The following PCNT variants were observed in gnomAD, a reference collection of about 807,000 sequenced individuals.
The protein encoded by PCNT is kendrin.
PCNT carries 319 observed loss-of-function variants against 380.4 expected under a neutral mutation model. The observed-to-expected ratio is 0.84, with a 90% CI of 0.77 to 0.92. The LOEUF is 0.92. Ranked by LOEUF, PCNT falls within the 40% of genes least tolerant of loss-of-function variation. The probability of loss-of-function intolerance (pLI) is 0.00; values close to 1 mark genes in which losing one functional copy is unlikely to be tolerated. For missense variants in PCNT, 4,400 were observed against 4,255.3 expected (o/e 1.03, Z -0.95); for synonymous variants, 1,845 against 1,735.2 (o/e 1.06, Z -1.57).
chr21:46,339,320 CACT>C (rs774716610), intron 3 of PCNT, among the ~76,000 whole-genome samples: 8 of 152,168 alleles, frequency 5.3e-5, no homozygotes, highest in Non-Finnish European at 1.0e-4. Context: ...AGCTTGTGTT[CACT>C]GCCGTGGCCA....
chr21:46,436,115 T>C lies in PCNT; in HGVS notation c.8963T>C (p.Leu2988Pro). Residue 2988 changes from leucine (L) to proline (P), a missense_variant, in exon 39 of 47, where the codon CTT (leucine) becomes CCT (proline). Physicochemically the swap from Leu to Pro is moderately conservative, Grantham distance 98 (BLOSUM62 -3). Transcript: ENST00000359568. The stretch of plus-strand genomic sequence containing the variant: ...CAGCGGCTGCTCTCTGCCGCCCGGC[T>C]TCTCACCAGCTTCACCAGCCAGGCC... ...MRQRLLSAAR[L>P]LTSFTSQAVD... 1 of 1,610,138 alleles carries C rather than the reference T, an allele frequency of 6.2e-7. No individual in the cohort carries two copies. Among genetic ancestry groups the C allele is most frequent in the Non-Finnish European group, 8.5e-7 (1 of 1,179,836 alleles).
chr21:46,405,130 G>T (rs984418982), intron 27 of PCNT, among the ~76,000 whole-genome samples: 1 of 152,166 alleles, frequency 6.6e-6, no homozygotes, highest in Non-Finnish European at 1.5e-5. Context: ...CTACTCTGAA[G>T]GATGAGATAG....
At chr21:46,415,428 A>G (rs2086988081) in intron 29 of PCNT, among the ~76,000 whole-genome samples, 1 of 115,748 alleles carries the variant, frequency 8.6e-6, no homozygotes, top group Non-Finnish European at 1.6e-5. Flanking sequence ...CCCAGGCTGG[A>G]GTGCAGTGGC....
In PCNT at chr21:46,366,622, G is replaced by T. The variant is rs2084939762; in HGVS notation, c.2648G>T (p.Ser883Ile). 1.9e-6 allele frequency: 3 copies of T among 1,614,014 alleles called. No homozygotes were observed. Among genetic ancestry groups the T allele is most frequent in the Admixed American group, 3.3e-5 (2 of 60,008 alleles). The part of the protein sequence containing the change: ...EERKEITEKF[S>I]AEQDAFLQEA... ...CGTAAAGAGATCACCGAGAAATTCA[G>T]TGCGGAACAAGATGCCTTCCTGCAG... Residue 883 changes from serine to isoleucine, a missense_variant, in exon 15 of 47, where the codon AGT becomes ATT. Ser to Ile is a moderately radical substitution (Grantham distance 142). Coordinates refer to ENST00000359568, the MANE Select transcript of PCNT (RefSeq NM_006031.6).
Position 46,388,598 on chromosome 21 carries a change from T to G in PCNT, c.3465-144T>G, listed in dbSNP as rs949404950. 2.9e-6 allele frequency: 3 copies of G among 1,018,000 alleles called. No individual in the cohort carries two copies. The highest frequency in any genetic ancestry group is 3.1e-5 in the African/African-American group (2 of 64,046). The allele number at this position is 1,018,000 out of a possible 1,614,324, so 63.1% of individuals were successfully genotyped here. A position where few individuals can be genotyped will look rare whatever the true frequency, so the allele number is the denominator to read the frequency against. On this transcript the variant is annotated intron_variant, in intron 17 of 46. Transcript: ENST00000359568. This position sits in a 1 kb window ranked among gnomAD's most constrained non-coding sequence, Gnocchi z 4.2. ...TCAGCTTCCTGTGCTCACATGGGCA[T>G]GAGGATCATGTCTTCCGGCCCCGTG...
chr21:46,411,194 A>G lies in PCNT; in HGVS notation c.5121A>G (p.Ile1707Met). 2 of 1,613,724 alleles carry G rather than the reference A, an allele frequency of 1.2e-6. No individual in the cohort carries two copies. Among genetic ancestry groups the G allele is most frequent in the South Asian group, 1.1e-5 (1 of 91,038 alleles). Residue 1707 changes from isoleucine (I) to methionine (M), a missense_variant, in exon 28 of 47, where the codon ATA becomes ATG. Physicochemically the swap from Ile to Met is conservative, Grantham distance 10. Coordinates refer to ENST00000359568, the MANE Select transcript of PCNT (RefSeq NM_006031.6). ...GAAATGTCCTCTCTCTTCAGGTCAT[A>G]TATACCAGAAGTTCTGAGATTGAAG... ...LEEENTSLKV[I>M]YTRSSEIEEL...
chr21:46,335,672 G>GT (rs1203311161), intron 3 of PCNT, among the ~76,000 whole-genome samples: 2 of 146,058 alleles, frequency 1.4e-5, no homozygotes, highest in African/African-American at 2.5e-5. Context: ...AAGTTTGGTT[G>GT]TTTTTTGGTT....
intron 2 of PCNT, among the ~76,000 whole-genome samples, chr21:46,330,606 A>ACAT (rs1276489777): frequency 6.6e-6 from 1 of 150,532 alleles, no homozygotes; most frequent in Admixed American, 6.8e-5. Context: ...ATATCATTGT[A>ACAT]CATCATCAGT....
intron 21 of PCNT, among the ~76,000 whole-genome samples, chr21:46,393,390 C>T (rs564644101): frequency 4.3e-4 from 65 of 152,302 alleles, no homozygotes; most frequent in African/African-American, 1.5e-3. Flanking sequence ...GGTGCTGTTG[C>T]ATCTGGGCGT....
intron 44 of PCNT, chr21:46,442,998 G>A (rs2053651970): frequency 3.8e-6 from 1 of 263,938 alleles, no homozygotes. Context: ...AGCACAGCTG[G>A]CTGCACTAGT....
At position 46,385,967 on chromosome 21, in the gene PCNT, C is replaced by A; in HGVS notation, c.3448C>A (p.Leu1150Met). ...CTCCATGCTCAAGGCCGACGTCAAC[C>A]TGTCCCACAGCGAAAGGTCAGTGTG... ...LLSMLKADVN[L>M]SHSERGALQD... Residue 1150 changes from leucine (L) to methionine (M), a missense_variant, in exon 17 of 47, where the codon CTG becomes ATG. By Grantham distance (15) the Leu-to-Met change is conservative (BLOSUM62 2). Coordinates refer to ENST00000359568, the MANE Select transcript of PCNT (RefSeq NM_006031.6). 1 of 1,614,172 alleles carries A rather than the reference C, an allele frequency of 6.2e-7. No homozygotes were observed. The highest frequency in any genetic ancestry group is 8.5e-7 in the Non-Finnish European group (1 of 1,180,026).
intron 15 of PCNT, among the ~76,000 whole-genome samples, chr21:46,368,168 A>C (rs1415818776): frequency 6.6e-6 from 1 of 152,116 alleles, no homozygotes; most frequent in East Asian, 1.9e-4. Context: ...TCAAAAAAAA[A>C]ACAAAAATAG....
chr21:46,424,233 C>A (rs1260583608), intron 32 of PCNT, among the ~76,000 whole-genome samples: 2 of 152,192 alleles, frequency 1.3e-5, no homozygotes, highest in Non-Finnish European at 2.9e-5. Context: ...CCACTCTTGG[C>A]CACCTCTGGC....
intron 43 of PCNT, among the ~76,000 whole-genome samples, chr21:46,442,148 A>G (rs769903433): frequency 1.3e-5 from 2 of 152,106 alleles, no homozygotes; most frequent in Non-Finnish European, 2.9e-5. Context: ...CGGGAGCGGC[A>G]TGTGTTTCCT....
chr21:46,408,472 T>C (rs568809437), intron 27 of PCNT, among the ~76,000 whole-genome samples: 27 of 152,354 alleles, frequency 1.8e-4, no homozygotes, highest in Non-Finnish European at 3.4e-4. Context: ...TAAAAGAAAC[T>C]GTCAAACTGT....
chr21:46,403,458 C>T (rs1373533910), intron 27 of PCNT, among the ~76,000 whole-genome samples: 2 of 139,590 alleles, frequency 1.4e-5, no homozygotes, highest in Admixed American at 7.1e-5. Flanking sequence ...GTGGTGCCCA[C>T]GCGGCACGTG....
chr21:46,355,538 C>T lies in PCNT; in HGVS notation c.1848C>T (p.His616=), dbSNP rs1489122760. 8.1e-6 allele frequency: 13 copies of T among 1,613,964 alleles called. No homozygotes were observed. The highest frequency in any genetic ancestry group is 1.6e-4 in the Middle Eastern group (1 of 6,062). Residue 616 remains histidine (H), a synonymous_variant, in exon 12 of 47, where the codon CAC becomes CAT. Coordinates refer to ENST00000359568, the MANE Select transcript of PCNT (RefSeq NM_006031.6). The part of the protein sequence containing the change: ...EALESPLCIQ[H]EGHVSDRCCV... ...TGGAGTCTCCCCTCTGCATCCAGCA[C>T]GAGGGGCATGTCTCAGACAGATGCT... is the stretch of plus-strand genomic sequence containing the variant.
chr21:46,374,400 C>T (rs995235664), intron 15 of PCNT, among the ~76,000 whole-genome samples: 2 of 152,222 alleles, frequency 1.3e-5, no homozygotes. Flanking sequence ...TGGCTCACAT[C>T]AGGATCTATT....
chr21:46,440,800 C>G, intron 42 of PCNT, 55 bp from the exon 43 acceptor site: 1 of 1,087,856 alleles, frequency 9.2e-7, no homozygotes, highest in Non-Finnish European at 1.4e-6. Context: ...GTGCTTTTGT[C>G]AGCAAGACAG....
Sources: allele counts gnomAD v4.1 joint callset (sites outside exome capture counted in the v4.1 genomes callset), GRCh38; gene constraint gnomAD v4.1.1; non-coding constraint Gnocchi (gnomAD v3.1); transcripts MANE v1.5; gene names NCBI Gene and HGNC (gene_info 2026-07-23, HGNC 2026-07-21).